ARHGEF10L: variants seen among roughly 807,000 people sequenced by gnomAD.
The protein encoded by ARHGEF10L is Rho guanine nucleotide exchange factor 10 like, also known as rho guanine nucleotide exchange factor 10-like protein.
A neutral mutation model predicts 141.2 loss-of-function variants in ARHGEF10L; 69 were observed. That is an observed-to-expected ratio of 0.49 (90% CI 0.40 to 0.60). The LOEUF (loss-of-function observed/expected upper bound fraction) is 0.60, where lower values mean the gene tolerates loss of function less well. Ranked by LOEUF, ARHGEF10L falls within the 20% of genes least tolerant of loss-of-function variation. The probability of loss-of-function intolerance (pLI) is 0.00; values close to 1 mark genes in which losing one functional copy is unlikely to be tolerated. For synonymous variants in ARHGEF10L, 711 were observed against 718.5 expected, an observed-to-expected ratio of 0.99 and a Z score of 0.17; for missense variants, 1,482 against 1,734.3, an observed-to-expected ratio of 0.85 and a Z score of 2.58.
At chr1:17,674,681 T>A (rs1465068716) in intron 26 of ARHGEF10L, among the ~76,000 whole-genome samples, 2 of 152,262 alleles carry the variant, frequency 1.3e-5, no homozygotes, top group Non-Finnish European at 2.9e-5. Context: ...CATAGTCACG[T>A]GCTGCATAGT....
intron 4 of ARHGEF10L, among the ~76,000 whole-genome samples, chr1:17,593,932 G>A (rs111924727): frequency 1.3e-5 from 2 of 150,880 alleles, no homozygotes; most frequent in African/African-American, 2.4e-5. Context: ...CAGGCCAGGG[G>A]CTCTGTTTGC....
chr1:17,618,278 CAGCG>C, intron 9 of ARHGEF10L: 2 of 1,438,914 alleles, frequency 1.4e-6, no homozygotes, highest in Non-Finnish European at 9.2e-7. Flanking sequence ...CCCACAAGCC[CAGCG>C]CCTTCCTGAA....
At chr1:17,547,004 C>A (rs1299832304) in intron 1 of ARHGEF10L, among the ~76,000 whole-genome samples, 1 of 152,034 alleles carries the variant, frequency 6.6e-6, no homozygotes, top group Non-Finnish European at 1.5e-5. Flanking sequence ...CCACATTCTG[C>A]TCGCCCCGGA....
chr1:17,594,939 C>T (rs1432529914), intron 4 of ARHGEF10L, among the ~76,000 whole-genome samples: 1 of 152,176 alleles, frequency 6.6e-6, no homozygotes, highest in Non-Finnish European at 1.5e-5. Flanking sequence ...GGGGCTGACT[C>T]CAGGCACAAG....
intron 7 of ARHGEF10L, among the ~76,000 whole-genome samples, chr1:17,610,876 G>A (rs1227206486): frequency 2.6e-5 from 4 of 152,148 alleles, no homozygotes; most frequent in African/African-American, 7.2e-5. Context: ...AGAGGGGCAC[G>A]GACCCAAGTG....
At chr1:17,526,381 C>T in the ARHGEF10L span, among the ~76,000 whole-genome samples, 21 of 152,332 alleles carry the variant, frequency 1.4e-4, no homozygotes, top group East Asian at 3.9e-3. Context: ...TAAGTCCTTT[C>T]CACCTTATTA....
chr1:17,539,640 G>A (rs889264110), upstream of ARHGEF10L, among the ~76,000 whole-genome samples: 4 of 150,262 alleles, frequency 2.7e-5, no homozygotes, highest in Non-Finnish European at 4.4e-5. The surrounding 1 kb of genome is among the most constrained non-coding windows in gnomAD (Gnocchi z 6.0). Flanking sequence ...CGGCCACCAG[G>A]GGTTAAGCGG....
intron 27 of ARHGEF10L, chr1:17,689,624 T>TCTCTCCCTCCCCG (rs2064941286): frequency 6.4e-6 from 1 of 156,186 alleles, no homozygotes; most frequent in Non-Finnish European, 1.2e-5. Context: ...CCTCCCTCCC[T>TCTCTCCCTCCCCG]CCTTCCTCCC....
chr1:17,585,182 G>A (rs1334119229), intron 2 of ARHGEF10L, among the ~76,000 whole-genome samples: 1 of 152,184 alleles, frequency 6.6e-6, no homozygotes, highest in Non-Finnish European at 1.5e-5. Flanking sequence ...TGGGAACTGC[G>A]TCCGAAAACC....
rs932119265 is a variant in ARHGEF10L at position 17,621,793 on chromosome 1, T to A, written c.943-71T>A. On this transcript the variant is annotated intron_variant, in intron 10 of 28. Coordinates refer to ENST00000361221, the MANE Select transcript of ARHGEF10L (RefSeq NM_018125.4). This position sits in a 1 kb window ranked among gnomAD's most constrained non-coding sequence, Gnocchi z 4.1. The stretch of plus-strand genomic sequence containing the variant: ...GTTTCTCTGTCCTATAGTTGTCAGC[T>A]CCCCTTCCTGTCACTTGGGCCCTGT... 16 of 1,419,926 alleles carry A rather than the reference T, an allele frequency of 1.1e-5. No individual in the cohort carries two copies. The highest frequency in any genetic ancestry group is 1.5e-5 in the Non-Finnish European group (15 of 1,004,370). The allele number at this position is 1,419,926 out of a possible 1,614,324, so 88.0% of individuals were successfully genotyped here.
intron 25 of ARHGEF10L, among the ~76,000 whole-genome samples, chr1:17,657,612 ATT>A (rs779320727): frequency 6.8e-6 from 1 of 146,650 alleles, no homozygotes; most frequent in African/African-American, 2.5e-5. Context: ...TACTGAGCTA[ATT>A]TTTTTTTTTT....
intron 4 of ARHGEF10L, among the ~76,000 whole-genome samples, chr1:17,588,849 AGTGTGTGTGTGTGTGTGTGTGTGTGT>A (rs57719075): frequency 2.0e-4 from 4 of 20,434 alleles, no homozygotes; most frequent in Non-Finnish European, 3.6e-4. Context: ...GAGGGTCCCC[AGTGTGTGTGTGTGTGTGTGTGTGTGT>A]GTGTGTGTGT....
chr1:17,565,286 G>A (rs995547032), intron 1 of ARHGEF10L, among the ~76,000 whole-genome samples: 2 of 152,174 alleles, frequency 1.3e-5, no homozygotes, highest in Non-Finnish European at 1.5e-5. Context: ...TGAGGTTTCC[G>A]CATAGGAATT....
rs372041320 is a variant in ARHGEF10L, at chr1:17,661,024, G to A, written c.2861-3423G>A. Among the ~76,000 whole-genome samples the A allele has an allele frequency of 5.9e-5, 9 of 152,248 alleles. No homozygotes were observed. The South Asian group carries it at 1.0e-3, about 18-fold the overall frequency. ...GATAGGAAAACTGAGTCCCAGCAAG[G>A]GGAAGTCTCTTGTTCAGGATCCCAC... On this transcript the variant is annotated intron_variant, in intron 25 of 28. Coordinates refer to ENST00000361221, the MANE Select transcript of ARHGEF10L (RefSeq NM_018125.4).
chr1:17,552,292 T>C (rs2077141443), intron 1 of ARHGEF10L, among the ~76,000 whole-genome samples: 1 of 152,190 alleles, frequency 6.6e-6, no homozygotes. Context: ...CTTGGTTCCC[T>C]CGCCTGTAGA....
At chr1:17,601,854 G>A (rs545507508) in intron 4 of ARHGEF10L, among the ~76,000 whole-genome samples, 1 of 152,326 alleles carries the variant, frequency 6.6e-6, no homozygotes, top group Non-Finnish European at 1.5e-5. Context: ...AGGGAGAGAC[G>A]AGACAGCCCC....
intron 4 of ARHGEF10L, among the ~76,000 whole-genome samples, chr1:17,594,716 C>T (rs1227274338): frequency 6.6e-6 from 1 of 152,120 alleles, no homozygotes; most frequent in African/African-American, 2.4e-5. Flanking sequence ...AACTCCTGAC[C>T]TCAAGTGATC....
At position 17,648,451 on chromosome 1, in the gene ARHGEF10L, T is replaced by C. The variant is rs2061722949; in HGVS notation, c.2273-103T>C. On this transcript the variant is annotated intron_variant, in intron 21 of 28. Coordinates refer to ENST00000361221, the MANE Select transcript of ARHGEF10L (RefSeq NM_018125.4). ...GGGGAGTGACTGGATGGGGCCAGGC[T>C]TCTGGGGCCTGCAGTGGCTCCCTGG... 5 of 1,463,394 alleles carry C rather than the reference T, an allele frequency of 3.4e-6. No homozygotes were observed. The Admixed American group carries it at 5.7e-5, about 17-fold the overall frequency. The allele number at this position is 1,463,394 out of a possible 1,614,324, so 90.7% of individuals were successfully genotyped here.
intron 25 of ARHGEF10L, among the ~76,000 whole-genome samples, chr1:17,662,511 C>T (rs1443304891): frequency 1.3e-5 from 2 of 152,168 alleles, no homozygotes; most frequent in Admixed American, 6.5e-5. Flanking sequence ...CCGGGCAGAG[C>T]GCTCTGTGTG....
Sources: allele counts gnomAD v4.1 joint callset (sites outside exome capture counted in the v4.1 genomes callset), GRCh38; gene constraint gnomAD v4.1.1; non-coding constraint Gnocchi (gnomAD v3.1); transcripts MANE v1.5; gene names NCBI Gene and HGNC (gene_info 2026-07-23, HGNC 2026-07-21).